Variants in NTRK2 observed in about 807,000 individuals in gnomAD.
The protein encoded by NTRK2 is neurotrophic receptor tyrosine kinase 2.
Under a neutral mutation model 94.5 loss-of-function variants are expected in NTRK2, and 13 were observed. The observed-to-expected ratio is 0.14, with a 90% CI of 0.09 to 0.22. NTRK2 has a LOEUF of 0.22. Ranked by LOEUF, NTRK2 falls within the 10% of genes least tolerant of loss-of-function variation. The pLI is 1.00. For synonymous variants in NTRK2, 372 were observed against 407.4 expected, an observed-to-expected ratio of 0.91 and a Z score of 1.05; for missense variants, 639 against 1,071.2, an observed-to-expected ratio of 0.60 and a Z score of 5.63.
chr9:84,881,782 T>G (rs1435342488), intron 14 of NTRK2, among the ~76,000 whole-genome samples: 1 of 152,212 alleles, frequency 6.6e-6, no homozygotes, highest in African/African-American at 2.4e-5. Context: ...GTTTGAAGCT[T>G]TTTCTCTTGC....
intron 14 of NTRK2, among the ~76,000 whole-genome samples, chr9:84,931,191 G>C (rs2078014534): frequency 6.6e-6 from 1 of 152,134 alleles, no homozygotes; most frequent in Non-Finnish European, 1.5e-5. Context: ...TGGATCACGA[G>C]GTCAGGAGTT....
chr9:84,874,846 A>G, intron 14 of NTRK2: 1 of 1,057,684 alleles, frequency 9.5e-7, no homozygotes, highest in South Asian at 4.6e-5. Context: ...CATTTTTAAA[A>G]CCAGGACAGT....
chr9:84,811,170 G>A (rs948159399), intron 12 of NTRK2: 4 of 1,061,882 alleles, frequency 3.8e-6, no homozygotes, highest in Non-Finnish European at 4.6e-6. Context: ...GGACTTGGTA[G>A]TATTATTAAA....
intron 12 of NTRK2, among the ~76,000 whole-genome samples, chr9:84,843,484 C>T (rs1023791006): frequency 6.6e-6 from 1 of 152,152 alleles, no homozygotes; most frequent in African/African-American, 2.4e-5. Flanking sequence ...ACCAGCAGTG[C>T]TTGGTTTGAA....
chr9:84,921,493 G>C (rs868554320), intron 14 of NTRK2, among the ~76,000 whole-genome samples: 1 of 152,072 alleles, frequency 6.6e-6, no homozygotes, highest in South Asian at 2.1e-4. Flanking sequence ...GGTGTAAAGA[G>C]GCAGGGGACA....
rs1354071568 is a variant in NTRK2 at position 84,948,152 on chromosome 9, C to T, written c.1765-310C>T. Among the ~76,000 whole-genome samples the T allele has an allele frequency of 2.0e-5, 3 of 152,142 alleles. No homozygotes were observed. In the East Asian group the frequency reaches 5.8e-4, roughly 29 times the overall value. On this transcript the variant is annotated intron_variant, in intron 15 of 18. Transcript: ENST00000277120. ...CACATAGCATCACAGAAAGAAAGCA[C>T]AACAGGCACCAACAAGGGAAAGAAG...
At chr9:84,668,817 C>T (rs368034816), upstream of NTRK2, 16 of 152,254 alleles carry the variant, frequency 1.1e-4, no homozygotes, top group African/African-American at 3.6e-4. Context: ...TTGGGATGCC[C>T]TACGTGGGGG....
At chr9:84,733,073 G>C (rs2063002260) in intron 9 of NTRK2, among the ~76,000 whole-genome samples, 1 of 152,106 alleles carries the variant, frequency 6.6e-6, no homozygotes, top group Non-Finnish European at 1.5e-5. Flanking sequence ...ATACCCCATG[G>C]CTGCAGGTTT....
intron 12 of NTRK2, among the ~76,000 whole-genome samples, chr9:84,854,071 CAA>C (rs563556897): frequency 8.2e-5 from 5 of 61,100 alleles, no homozygotes; most frequent in Admixed American, 1.9e-4. Flanking sequence ...GACTCTGTCT[CAA>C]AAAAAAAAAA....
At chr9:84,862,674 C>T (rs539490553) in intron 13 of NTRK2, among the ~76,000 whole-genome samples, 1 of 152,122 alleles carries the variant, frequency 6.6e-6, no homozygotes, top group Non-Finnish European at 1.5e-5. Flanking sequence ...GTGTGTCACT[C>T]GTGGTTCCCA....
In NTRK2 at chr9:84,869,182, T is replaced by A. The variant is rs1446218590; in HGVS notation, c.1633+1751T>A. ...CAAAGGTTATTTCCTTAATCTGGAG[T>A]CTGTGGAGATTTTTTGCAAAGGTTT... On this transcript the variant is annotated intron_variant, in intron 14 of 18. Transcript: ENST00000277120. Among the ~76,000 whole-genome samples, 3 of 152,092 alleles carry A rather than the reference T, an allele frequency of 2.0e-5. No individual in the cohort carries two copies. In the South Asian group the frequency reaches 6.2e-4, roughly 31 times the overall value.
At chr9:84,722,194 T>A (rs2062116073) in intron 6 of NTRK2, among the ~76,000 whole-genome samples, 1 of 108,432 alleles carries the variant, frequency 9.2e-6, no homozygotes, top group South Asian at 3.2e-4. Context: ...TGAAACCCCA[T>A]GAAAGATGTA....
Position 84,670,372 on chromosome 9 carries a change from C to T in NTRK2, c.-372-5C>T. Reference sequence around the variant, plus strand: ...TCAGTCTTACGCGTGTCTGTTTGTCCTCAGCCTCGAGGTGCATACCGGACC... The same window carrying T: ...TCAGTCTTACGCGTGTCTGTTTGTCTTCAGCCTCGAGGTGCATACCGGACC... On this transcript the variant is annotated splice_region_variant and splice_polypyrimidine_tract_variant and intron_variant, in intron 1 of 18. Transcript: ENST00000277120. 1 of 384,648 alleles carries T rather than the reference C, an allele frequency of 2.6e-6. No homozygotes were observed. The highest frequency in any genetic ancestry group is 3.1e-5 in the South Asian group (1 of 32,698). The allele number at this position is 384,648 out of a possible 1,614,324, so 23.8% of individuals were successfully genotyped here.
At chr9:84,872,226 T>G in intron 14 of NTRK2, 1 of 1,135,348 alleles carries the variant, frequency 8.8e-7, no homozygotes, top group Non-Finnish European at 1.1e-6. Context: ...GGCAGCTGTG[T>G]TGCTTTCCTT....
At chr9:84,875,094 G>T in intron 14 of NTRK2, 1 of 1,060,324 alleles carries the variant, frequency 9.4e-7, no homozygotes, top group South Asian at 4.6e-5. Context: ...ATATCGTTTG[G>T]ATATATGGCT....
Position 84,745,035 on chromosome 9 carries a change from A to G in NTRK2, c.1258A>G (p.Thr420Ala), listed in dbSNP as rs2063944874. The G allele has an allele frequency of 1.2e-6, 2 of 1,613,822 alleles. No homozygotes were observed. The highest frequency in any genetic ancestry group is 1.7e-6 in the Non-Finnish European group (2 of 1,179,932). The change falls in exon 11 of 19, where the codon ACA (threonine) becomes GCA (alanine). Residue 420 changes from threonine to alanine, a missense_variant. Thr to Ala is a moderately conservative substitution (Grantham distance 58). This residue lies in a region of NTRK2 where 343 missense variants were observed against 571.5 expected (regional missense o/e 0.60). Coordinates refer to ENST00000277120, the MANE Select transcript of NTRK2 (RefSeq NM_006180.6). ...TTNRSNEIPS[T>A]DVTDKTGREH... ...GAACAGAAGTAATGAAATCCCTTCCACAGACGTCACTGATAAAACCGGTCG... is the reference window on the plus strand; with the variant it reads ...GAACAGAAGTAATGAAATCCCTTCCGCAGACGTCACTGATAAAACCGGTCG...
At chr9:84,848,236 A>T (rs2074569227) in intron 12 of NTRK2, among the ~76,000 whole-genome samples, 1 of 152,200 alleles carries the variant, frequency 6.6e-6, no homozygotes, top group African/African-American at 2.4e-5. Flanking sequence ...ATATAGTCAC[A>T]CTGAAGATTT....
At chr9:84,811,872 C>T in intron 12 of NTRK2, 1 of 1,064,686 alleles carries the variant, frequency 9.4e-7, no homozygotes, top group Non-Finnish European at 1.1e-6. Context: ...CTGTGTCAGG[C>T]AGTATGCTTG....
At chr9:84,840,081 T>A (rs927288374) in intron 12 of NTRK2, among the ~76,000 whole-genome samples, 1 of 152,080 alleles carries the variant, frequency 6.6e-6, no homozygotes, top group South Asian at 2.1e-4. Flanking sequence ...TAAGACCTTC[T>A]TATTGCTTTT....
Sources: gnomAD v4.1 joint callset for allele counts (sites outside exome capture counted in the v4.1 genomes callset) on GRCh38, gnomAD v4.1.1 for gene constraint, gnomAD v4.1.1 regional missense constraint, MANE v1.5 for transcripts, NCBI Gene and HGNC (gene_info 2026-07-23, HGNC 2026-07-21) for gene names.